The following ZNF804B variants were observed in gnomAD, a reference collection of about 807,000 sequenced individuals.
ZNF804B encodes zinc finger 804B.
In ZNF804B, 80 loss-of-function variants were observed where a neutral mutation model predicts 101.4. The ratio of observed to expected loss-of-function variants is 0.79; its 90% CI spans 0.66 to 0.95. The LOEUF (loss-of-function observed/expected upper bound fraction) is 0.95, where lower values mean the gene tolerates loss of function less well. ZNF804B is among the 40% of genes least tolerant of loss of function. ZNF804B has a pLI of 0.00. For synonymous variants in ZNF804B, 622 were observed against 558.8 expected, an observed-to-expected ratio of 1.11 and a Z score of -1.59; for missense variants, 1,673 against 1,561.9, an observed-to-expected ratio of 1.07 and a Z score of -1.20.
intron 1 of ZNF804B, among the ~76,000 whole-genome samples, chr7:89,129,356 T>G (rs938402446): frequency 6.6e-6 from 1 of 152,054 alleles, no homozygotes; most frequent in African/African-American, 2.4e-5. Flanking sequence ...AGTCCAAAAT[T>G]AAAATCAATG....
chr7:88,936,898 T>G (rs1372243816), intron 1 of ZNF804B, among the ~76,000 whole-genome samples: 1 of 152,172 alleles, frequency 6.6e-6, no homozygotes, highest in African/African-American at 2.4e-5. Context: ...TGTGGAGCGT[T>G]GCTCTCTTGA....
chr7:89,269,527 T>G (rs922933395), intron 2 of ZNF804B, among the ~76,000 whole-genome samples: 2 of 152,206 alleles, frequency 1.3e-5, no homozygotes, highest in Non-Finnish European at 2.9e-5. Flanking sequence ...TAAACATATA[T>G]GTGCATGTGT....
chr7:89,154,632 T>C (rs1790928758), intron 1 of ZNF804B, among the ~76,000 whole-genome samples: 1 of 152,114 alleles, frequency 6.6e-6, no homozygotes, highest in Non-Finnish European at 1.5e-5. Flanking sequence ...CATCACATGT[T>C]CTCACTTATT....
At chr7:88,902,800 A>C (rs533001599) in intron 1 of ZNF804B, among the ~76,000 whole-genome samples, 32 of 152,228 alleles carry the variant, frequency 2.1e-4, no homozygotes, top group South Asian at 1.9e-3. Context: ...ATACGTATCT[A>C]TTTTTGAGAT....
chr7:88,931,111 G>A (rs568312745), intron 1 of ZNF804B, among the ~76,000 whole-genome samples: 73 of 151,954 alleles, frequency 4.8e-4, no homozygotes, highest in African/African-American at 1.7e-3. Flanking sequence ...CAGTTTCATT[G>A]ACGTTCTTGC....
intron 1 of ZNF804B, among the ~76,000 whole-genome samples, chr7:88,920,259 G>C (rs2115995457): frequency 6.6e-6 from 1 of 152,012 alleles, no homozygotes; most frequent in East Asian, 1.9e-4. Context: ...ATTAACTCCT[G>C]GCTTATAGTA....
At chr7:88,940,033 A>C (rs1172739428) in intron 1 of ZNF804B, among the ~76,000 whole-genome samples, 2 of 151,734 alleles carry the variant, frequency 1.3e-5, no homozygotes, top group African/African-American at 4.9e-5. Flanking sequence ...CAATTAAAAA[A>C]TCTTAAATTA....
At chr7:88,840,751 T>C (rs1277700991) in intron 1 of ZNF804B, among the ~76,000 whole-genome samples, 2 of 152,176 alleles carry the variant, frequency 1.3e-5, no homozygotes, top group Non-Finnish European at 2.9e-5. Context: ...GTAGTATTTG[T>C]GTTTTGGGAG....
chr7:88,963,031 G>T (rs1793410419), intron 1 of ZNF804B, among the ~76,000 whole-genome samples: 1 of 150,890 alleles, frequency 6.6e-6, no homozygotes, highest in Non-Finnish European at 1.5e-5. Context: ...CAAAAGCAAG[G>T]AGGAGGGAAG....
At chr7:88,820,087 C>T (rs111254355) in intron 1 of ZNF804B, among the ~76,000 whole-genome samples, 1 of 152,044 alleles carries the variant, frequency 6.6e-6, no homozygotes, top group East Asian at 1.9e-4. Flanking sequence ...ATATTTTTGC[C>T]ACTTATTTTT....
Position 88,915,018 on chromosome 7 carries a change from C to G in ZNF804B, c.108+154934C>G, listed in dbSNP as rs186490998. On this transcript the variant is annotated intron_variant, in intron 1 of 3. Transcript: ENST00000333190. ...ACTTAAGTAGAATATAGCACATTAT[C>G]TCTTCCCACCCTTTTTTAATGAGTA... 5.3e-5 allele frequency among the ~76,000 whole-genome samples: 8 copies of G among 152,184 alleles called. No homozygotes were observed. In the East Asian group the frequency reaches 1.5e-3, roughly 29 times the overall value.
intron 2 of ZNF804B, among the ~76,000 whole-genome samples, chr7:89,261,842 C>T (rs1022389941): frequency 2.0e-5 from 3 of 152,126 alleles, no homozygotes; most frequent in African/African-American, 7.2e-5. Context: ...ATGCAGTGTG[C>T]ATCAACTGAA....
chr7:89,052,121 A>C (rs981769508), intron 1 of ZNF804B, among the ~76,000 whole-genome samples: 1 of 151,922 alleles, frequency 6.6e-6, no homozygotes, highest in African/African-American at 2.4e-5. Context: ...TTTATTGTTC[A>C]GGTATTAACT....
intron 1 of ZNF804B, among the ~76,000 whole-genome samples, chr7:89,185,522 T>G (rs536746219): frequency 1.6e-4 from 25 of 152,238 alleles, no homozygotes; most frequent in African/African-American, 6.0e-4. Context: ...TGAGAGAAAG[T>G]TCGTCTTCAA....
chr7:89,092,444 A>C, intron 1 of ZNF804B, among the ~76,000 whole-genome samples: 3 of 109,732 alleles, frequency 2.7e-5, no homozygotes, highest in Non-Finnish European at 3.4e-5. Context: ...ATGGAGTCTC[A>C]CTCTCTTGCC....
intron 1 of ZNF804B, among the ~76,000 whole-genome samples, chr7:89,154,220 C>T (rs1438370134): frequency 2.6e-5 from 4 of 152,030 alleles, no homozygotes; most frequent in African/African-American, 7.2e-5. Context: ...ATATCCAAAA[C>T]ACAGGCAATA....
At chr7:89,060,998 A>C (rs1467656998) in intron 1 of ZNF804B, among the ~76,000 whole-genome samples, 1 of 152,142 alleles carries the variant, frequency 6.6e-6, no homozygotes, top group Non-Finnish European at 1.5e-5. Context: ...TTTCAGATGA[A>C]CACAGTTATA....
At chr7:89,110,733 A>T (rs932597794) in intron 1 of ZNF804B, among the ~76,000 whole-genome samples, 1 of 152,194 alleles carries the variant, frequency 6.6e-6, no homozygotes, top group Non-Finnish European at 1.5e-5. Flanking sequence ...AATAGTTTAC[A>T]TCGGGTTTCA....
At chr7:89,281,637 A>G (rs1362563033) in intron 2 of ZNF804B, among the ~76,000 whole-genome samples, 1 of 152,190 alleles carries the variant, frequency 6.6e-6, no homozygotes, top group African/African-American at 2.4e-5. Flanking sequence ...TATGGATAAC[A>G]ACAAAAAGTG....
Sources: gnomAD v4.1 joint callset for allele counts (sites outside exome capture counted in the v4.1 genomes callset) on GRCh38, gnomAD v4.1.1 for gene constraint, MANE v1.5 for transcripts, NCBI Gene and HGNC (gene_info 2026-07-23, HGNC 2026-07-21) for gene names.